FARS2: variants seen among roughly 807,000 people sequenced by gnomAD.
The protein encoded by FARS2 is phenylalanyl-tRNA synthetase 2, mitochondrial, also known as phenylalanine--tRNA ligase, mitochondrial.
In FARS2, 40 loss-of-function variants were observed where a neutral mutation model predicts 46.4. The ratio of observed to expected loss-of-function variants is 0.86; its 90% CI spans 0.67 to 1.12. The LOEUF (loss-of-function observed/expected upper bound fraction) is 1.12. FARS2 is among the 50% of genes most tolerant of loss of function. The pLI is 0.00. For missense variants in FARS2, 513 were observed against 567.9 expected (o/e 0.90, Z 0.98); for synonymous variants, 234 against 214.9 (o/e 1.09, Z -0.78).
chr6:5,361,802 C>T (rs1758320985), intron 1 of FARS2, among the ~76,000 whole-genome samples: 1 of 152,144 alleles, frequency 6.6e-6, no homozygotes. Context: ...TATGCCTGCT[C>T]ACCATTGGCT....
chr6:5,257,352 T>G (rs146075450), upstream of FARS2, among the ~76,000 whole-genome samples: 7 of 152,262 alleles, frequency 4.6e-5, no homozygotes, highest in African/African-American at 1.7e-4. Context: ...CATCACCCCT[T>G]GGGAGGCCTT....
At chr6:5,741,397 T>C (rs1259812738) in intron 6 of FARS2, among the ~76,000 whole-genome samples, 1 of 152,194 alleles carries the variant, frequency 6.6e-6, no homozygotes, top group Non-Finnish European at 1.5e-5. Flanking sequence ...CCCTTCTATA[T>C]GTTCTTCATG....
chr6:5,606,435 T>A (rs142180546), intron 5 of FARS2, among the ~76,000 whole-genome samples: 10 of 151,928 alleles, frequency 6.6e-5, no homozygotes, highest in Non-Finnish European at 1.0e-4. Flanking sequence ...ATTATTAAAG[T>A]GTGAGGGGTT....
intron 4 of FARS2, among the ~76,000 whole-genome samples, chr6:5,464,134 C>T (rs992722151): frequency 6.6e-6 from 1 of 152,212 alleles, no homozygotes; most frequent in African/African-American, 2.4e-5. Flanking sequence ...TATTGAACAC[C>T]TGCTGTGTGC....
rs552458659 is a variant in FARS2, at chr6:5,569,114, G to A, written c.1065+23774G>A. On this transcript the variant is annotated intron_variant, in intron 5 of 6. Transcript: ENST00000274680. The stretch of plus-strand genomic sequence containing the variant: ...GTTTAATCACAGTAGGTAAACATGA[G>A]CCAGAAAGAAAATGGTTCCTAGGTT... 4.9e-4 allele frequency among the ~76,000 whole-genome samples: 75 copies of A among 152,156 alleles called. 2 individuals are homozygous for A. The South Asian group carries it at 0.014, about 28-fold the overall frequency.
At chr6:5,575,703 G>C (rs1772920811) in intron 5 of FARS2, among the ~76,000 whole-genome samples, 1 of 152,252 alleles carries the variant, frequency 6.6e-6, no homozygotes, top group African/African-American at 2.4e-5. Flanking sequence ...TGGTCTCCTT[G>C]AATCTGAAAT....
intron 6 of FARS2, among the ~76,000 whole-genome samples, chr6:5,758,583 C>G (rs1017706732): frequency 6.6e-6 from 1 of 152,152 alleles, no homozygotes; most frequent in African/African-American, 2.4e-5. Flanking sequence ...CCTCCTCAAC[C>G]AACCTGTTTT....
chr6:5,342,292 G>C (rs1361571615), intron 1 of FARS2, among the ~76,000 whole-genome samples: 6 of 152,182 alleles, frequency 3.9e-5, no homozygotes, highest in Admixed American at 3.9e-4. Context: ...ATAATCAACA[G>C]TTGCACTTTG....
chr6:5,537,728 T>C (rs1770309980), intron 4 of FARS2, among the ~76,000 whole-genome samples: 1 of 152,232 alleles, frequency 6.6e-6, no homozygotes, highest in Non-Finnish European at 1.5e-5. Context: ...AGGCAGAGCT[T>C]GTAGAGCCAG....
chr6:5,277,684 C>T (rs940249038), intron 1 of FARS2, among the ~76,000 whole-genome samples: 18 of 152,206 alleles, frequency 1.2e-4, no homozygotes, highest in African/African-American at 4.3e-4. Flanking sequence ...ACCAGATTTA[C>T]AGTGAATACA....
intron 4 of FARS2, among the ~76,000 whole-genome samples, chr6:5,487,036 T>C (rs1472248216): frequency 2.6e-5 from 4 of 151,856 alleles, no homozygotes; most frequent in African/African-American, 9.7e-5. Flanking sequence ...GGATATTGGC[T>C]GCTCATGTCC....
chr6:5,264,584 T>G (rs1213944060), intron 1 of FARS2, among the ~76,000 whole-genome samples: 1 of 151,952 alleles, frequency 6.6e-6, no homozygotes, highest in Non-Finnish European at 1.5e-5. Flanking sequence ...TTTTTGTATT[T>G]TTAGTAGAGA....
At chr6:5,350,168 AATT>A (rs1382185237) in intron 1 of FARS2, among the ~76,000 whole-genome samples, 1 of 127,944 alleles carries the variant, frequency 7.8e-6, no homozygotes, top group Non-Finnish European at 1.7e-5. Flanking sequence ...ATGCCTGGCA[AATT>A]TTTTTTTTTT....
chr6:5,646,605 G>A (rs922367698), intron 6 of FARS2, among the ~76,000 whole-genome samples: 1 of 152,132 alleles, frequency 6.6e-6, no homozygotes, highest in African/African-American at 2.4e-5. Flanking sequence ...TAGGGGATTG[G>A]TTTCAGGACC....
intron 5 of FARS2, among the ~76,000 whole-genome samples, chr6:5,553,035 A>G (rs1771457219): frequency 6.6e-6 from 1 of 152,218 alleles, no homozygotes; most frequent in Non-Finnish European, 1.5e-5. Flanking sequence ...ATTACTCAAC[A>G]TTGTACATTT....
intron 4 of FARS2, among the ~76,000 whole-genome samples, chr6:5,515,078 A>G (rs1161833112): frequency 6.6e-6 from 1 of 152,050 alleles, no homozygotes; most frequent in East Asian, 1.9e-4. Context: ...GCGAAACTCC[A>G]TCTGTGGCTT....
chr6:5,737,981 T>A (rs543830462), intron 6 of FARS2, among the ~76,000 whole-genome samples: 1 of 152,348 alleles, frequency 6.6e-6, no homozygotes, highest in East Asian at 1.9e-4. Flanking sequence ...GACCACATCT[T>A]GCTCTGTCAC....
At chr6:5,260,879 C>A, upstream of FARS2, 1 of 1,428,568 alleles carries the variant, frequency 7.0e-7, no homozygotes. Flanking sequence ...TAAGCCTAAG[C>A]GGGCAGCCCT....
At chr6:5,560,190 A>G (rs1561713339) in intron 5 of FARS2, among the ~76,000 whole-genome samples, 1 of 152,270 alleles carries the variant, frequency 6.6e-6, no homozygotes, top group East Asian at 1.9e-4. Flanking sequence ...TGTTTACTTA[A>G]AGTGCTTCTT....
Sources: gnomAD v4.1 joint callset for allele counts (sites outside exome capture counted in the v4.1 genomes callset) on GRCh38, gnomAD v4.1.1 for gene constraint, MANE v1.5 for transcripts, NCBI Gene and HGNC (gene_info 2026-07-23, HGNC 2026-07-21) for gene names.